The following GUCY1A1 variants were observed in gnomAD, a reference collection of about 807,000 sequenced individuals.
GUCY1A1 encodes the protein guanylate cyclase soluble subunit alpha-1.
GUCY1A1 carries 48 observed loss-of-function variants against 64.5 expected under a neutral mutation model. That is an observed-to-expected ratio of 0.74 (90% confidence interval 0.59 to 0.95). The LOEUF (loss-of-function observed/expected upper bound fraction) is 0.95, where lower values mean the gene tolerates loss of function less well. Among genes scored for constraint, GUCY1A1 ranks in the 40% least tolerant of loss-of-function variants. GUCY1A1 has a pLI of 0.00. For missense variants in GUCY1A1, 804 were observed against 825.3 expected, an observed-to-expected ratio of 0.97 and a Z score of 0.32; for synonymous variants, 308 against 303.4, an observed-to-expected ratio of 1.02 and a Z score of -0.16.
rs562952934 is a variant in GUCY1A1, at chr4:155,725,528, G to A, written c.1871+3336G>A. Among the ~76,000 whole-genome samples, 26 of 152,158 alleles carry A rather than the reference G, an allele frequency of 1.7e-4. No individual in the cohort carries two copies. The South Asian group carries it at 3.3e-3, about 19-fold the overall frequency. On this transcript the variant is annotated intron_variant, in intron 9 of 9. Coordinates refer to ENST00000506455, the MANE Select transcript of GUCY1A1 (RefSeq NM_001130682.3). ...GTTAAGTGATGTGTTATGTGTATATGTGCATACTGAGGAATCCTACCTTAA... is the reference window on the plus strand; with the variant it reads ...GTTAAGTGATGTGTTATGTGTATATATGCATACTGAGGAATCCTACCTTAA...
chr4:155,720,337 TTCTATCTATCTA>T (rs59667368), intron 8 of GUCY1A1, among the ~76,000 whole-genome samples: 23,478 of 149,834 alleles, frequency 0.16, 1,921 homozygotes, highest in East Asian at 0.2. Flanking sequence ...AAGAGCTTTA[TTCTATCTATCTA>T]TCTATCTATC....
rs551943478 is a variant in GUCY1A1, at chr4:155,730,470, T to C, written c.*239T>C. 8.0e-6 allele frequency: 3 copies of C among 375,682 alleles called. No homozygotes were observed. The highest frequency in any genetic ancestry group is 1.4e-5 in the Non-Finnish European group (3 of 206,910). 23.3% of individuals were successfully genotyped at this position (375,682 alleles called of 1,614,324 possible). ...TACTTTTGTGGGAGTATTTCTATTA[T>C]ATAACCAGCACTTACTACCTGTACT... On this transcript the variant is annotated 3_prime_UTR_variant, in exon 10 of 10. Transcript: ENST00000506455.
At chr4:155,703,534 G>GAAA (rs1731365573) in intron 3 of GUCY1A1, among the ~76,000 whole-genome samples, 4 of 152,144 alleles carry the variant, frequency 2.6e-5, no homozygotes, top group African/African-American at 9.7e-5. Context: ...TTGGCCGCCC[G>GAAA]TCCAGAGGGA....
intron 2 of GUCY1A1, among the ~76,000 whole-genome samples, chr4:155,687,906 A>G (rs559100670): frequency 7.9e-5 from 12 of 152,224 alleles, no homozygotes; most frequent in South Asian, 6.2e-4. Flanking sequence ...TGCATGAGAC[A>G]TGAGACATCA....
intron 5 of GUCY1A1, among the ~76,000 whole-genome samples, chr4:155,709,642 T>C (rs938261827): frequency 1.3e-5 from 2 of 152,096 alleles, no homozygotes; most frequent in Admixed American, 6.6e-5. Flanking sequence ...AAGACCAGCC[T>C]GGCCAACATG....
Position 155,711,252 on chromosome 4 carries a change from G to T in GUCY1A1, c.1086+1G>T, listed in dbSNP as rs587777320. On this transcript the variant is annotated splice_donor_variant, in intron 6 of 9. Transcript: ENST00000506455. LOFTEE classifies it high-confidence loss of function. The stretch of plus-strand genomic sequence containing the variant: ...CAACTCTGTGAAAAAATCTTCAAGG[G>T]TAAGGAAAACATAATACTATCTTGA... 3.4e-6 allele frequency: 5 copies of T among 1,450,778 alleles called. No homozygotes were observed. The highest frequency in any genetic ancestry group is 1.4e-5 in the African/African-American group (1 of 71,640). 89.9% of individuals were successfully genotyped at this position (1,450,778 alleles called of 1,614,324 possible).
chr4:155,701,109 G>A (rs756172402), intron 3 of GUCY1A1, among the ~76,000 whole-genome samples: 10 of 152,090 alleles, frequency 6.6e-5, no homozygotes, highest in Non-Finnish European at 8.8e-5. Context: ...TAGGAAACTC[G>A]ATGCACCAGC....
At position 155,697,080 on chromosome 4, in the gene GUCY1A1, T is replaced by G. The variant is rs764456113; in HGVS notation, c.213T>G (p.Leu71=). The G allele has an allele frequency of 2.5e-6, 4 of 1,613,448 alleles. No homozygotes were observed. The African/African-American group carries it at 5.3e-5, about 22-fold the overall frequency. ...AAACCAGTCGGAGCCGAGTCTATCTTCACACTTTGGCAGAGAGTATTTGCA... is the reference window on the plus strand; with the variant it reads ...AAACCAGTCGGAGCCGAGTCTATCTGCACACTTTGGCAGAGAGTATTTGCA... ...QRKTSRSRVY[L]HTLAESICKL... Residue 71 remains leucine, a synonymous_variant, in exon 3 of 10, where the codon CTT becomes CTG. Coordinates refer to ENST00000506455, the MANE Select transcript of GUCY1A1 (RefSeq NM_001130682.3).
In GUCY1A1 at chr4:155,696,850, G is replaced by T. The variant is rs369131755; in HGVS notation, c.-18G>T. On this transcript the variant is annotated 5_prime_UTR_variant, in exon 3 of 10. Transcript: ENST00000506455. Reference sequence around the variant, plus strand: ...CTCATCAGGAGGAGATCGCAGCAGGGTAAGAGACACCAACACCATGTTCTG... The same window carrying T: ...CTCATCAGGAGGAGATCGCAGCAGGTTAAGAGACACCAACACCATGTTCTG... 6.2e-7 allele frequency: 1 copy of T among 1,612,160 alleles called. No homozygotes were observed. Among genetic ancestry groups the T allele is most frequent in the Non-Finnish European group, 8.5e-7 (1 of 1,178,536 alleles).
rs1270781350 is a variant in GUCY1A1 at position 155,722,141 on chromosome 4, T to G, written c.1820T>G (p.Phe607Cys). The G allele has an allele frequency of 1.2e-6, 2 of 1,613,364 alleles. No individual in the cohort carries two copies. Among genetic ancestry groups the G allele is most frequent in the East Asian group, 4.5e-5 (2 of 44,874 alleles). Residue 607 changes from phenylalanine (F) to cysteine (C), a missense_variant, in exon 9 of 10, where the codon TTT becomes TGT. Physicochemically the swap from Phe to Cys is radical, Grantham distance 205. Coordinates refer to ENST00000506455, the MANE Select transcript of GUCY1A1 (RefSeq NM_001130682.3). The part of the protein sequence containing the change: ...FGNNVTLANK[F>C]ESCSVPRKIN... The stretch of plus-strand genomic sequence containing the variant: ...AACAATGTCACTCTGGCTAACAAAT[T>G]TGAGTCCTGCAGTGTACCACGAAAA...
In GUCY1A1 at chr4:155,693,805, G is replaced by T. The variant is rs148232514; in HGVS notation, c.-112-2951G>T. On this transcript the variant is annotated intron_variant, in intron 2 of 9. Coordinates refer to ENST00000506455, the MANE Select transcript of GUCY1A1 (RefSeq NM_001130682.3). ...AAAAGAAATTATTTCAAGGAAGGTT[G>T]ACTGGTCAATTGTATTCTACTGCAG... Among the ~76,000 whole-genome samples the T allele has an allele frequency of 7.5e-3, 1,142 of 152,272 alleles. 7 individuals are homozygous for T. The highest frequency in any genetic ancestry group is 0.015 in the South Asian group (74 of 4,818).
Position 155,712,860 on chromosome 4 carries a change from G to A in GUCY1A1, c.1087-238G>A, listed in dbSNP as rs184578977. Among the ~76,000 whole-genome samples the A allele has an allele frequency of 3.3e-4, 50 of 152,306 alleles. No individual in the cohort carries two copies. The East Asian group carries it at 7.3e-3, about 22-fold the overall frequency. ...AGTGAGAAAGCCTTGAAGCAAGAGCGTTTTGCATTGTTCATTGTAAATCTT... is the reference window on the plus strand; with the variant it reads ...AGTGAGAAAGCCTTGAAGCAAGAGCATTTTGCATTGTTCATTGTAAATCTT... On this transcript the variant is annotated intron_variant, in intron 6 of 9. Transcript: ENST00000506455.
At chr4:155,700,516 A>C (rs538801521) in intron 3 of GUCY1A1, among the ~76,000 whole-genome samples, 3 of 152,318 alleles carry the variant, frequency 2.0e-5, no homozygotes, top group African/African-American at 7.2e-5. Flanking sequence ...TGTTGCATCA[A>C]ATAGCAGTTT....
rs938952015 is a variant in GUCY1A1 at position 155,732,300 on chromosome 4, T to C, written c.*2069T>C. 5.3e-5 allele frequency: 8 copies of C among 151,862 alleles called. No individual in the cohort carries two copies. Among genetic ancestry groups the C allele is most frequent in the African/African-American group, 1.7e-4 (7 of 41,414 alleles). The allele number at this position is 151,862 out of a possible 1,614,324, so 9.4% of individuals were successfully genotyped here. On this transcript the variant is annotated 3_prime_UTR_variant, in exon 10 of 10. Transcript: ENST00000506455. ...AGTTTTTTGTACGATTCCTGCAACT[T>C]TTCTATAAACGTGGCATTATATCTA...
chr4:155,720,335 T>TA (rs1207397709), intron 8 of GUCY1A1, among the ~76,000 whole-genome samples: 1 of 130,638 alleles, frequency 7.7e-6, no homozygotes, highest in East Asian at 2.5e-4. Flanking sequence ...AGAAGAGCTT[T>TA]ATTCTATCTA....
chr4:155,712,222 C>T (rs931657022), intron 6 of GUCY1A1, among the ~76,000 whole-genome samples: 16 of 152,256 alleles, frequency 1.1e-4, no homozygotes, highest in Non-Finnish European at 1.8e-4. Flanking sequence ...CCTCCAACTC[C>T]GGGGTTCAAG....
chr4:155,696,056 C>T (rs13101877), intron 2 of GUCY1A1, among the ~76,000 whole-genome samples: 5,975 of 152,122 alleles, frequency 0.039, 153 homozygotes, highest in Middle Eastern at 0.082. Flanking sequence ...TTTGACTCAC[C>T]GCAGTCTAGA....
chr4:155,708,060 A>G (rs530813314), intron 4 of GUCY1A1, among the ~76,000 whole-genome samples, 176 bp from the exon 5 acceptor site: 1 of 152,064 alleles, frequency 6.6e-6, no homozygotes, highest in South Asian at 2.1e-4. Flanking sequence ...GCTGCTCTTG[A>G]ACTCCTGACC....
intron 8 of GUCY1A1, among the ~76,000 whole-genome samples, chr4:155,717,731 A>T (rs1342180828): frequency 1.3e-5 from 2 of 152,154 alleles, no homozygotes; most frequent in Non-Finnish European, 2.9e-5. Flanking sequence ...TATAATAATC[A>T]GCAAGATGGC....
Sources: allele counts gnomAD v4.1 joint callset (sites outside exome capture counted in the v4.1 genomes callset), GRCh38; gene constraint gnomAD v4.1.1; transcripts MANE v1.5; gene names NCBI Gene and HGNC (gene_info 2026-07-23, HGNC 2026-07-21).